The following ARRDC1 variants were observed in gnomAD, a reference collection of about 807,000 sequenced individuals.
The protein encoded by ARRDC1 is arrestin domain-containing protein 1.
Under a neutral mutation model 40.1 loss-of-function variants are expected in ARRDC1, and 37 were observed. The observed-to-expected ratio is 0.92, with a 90% confidence interval of 0.71 to 1.21. ARRDC1 has a LOEUF of 1.21. ARRDC1 is among the 50% of genes most tolerant of loss of function. The pLI is 0.00. For synonymous variants in ARRDC1, 310 were observed against 262.5 expected, an observed-to-expected ratio of 1.18 and a Z score of -1.75; for missense variants, 641 against 581.9, an observed-to-expected ratio of 1.10 and a Z score of -1.04.
Position 137,614,762 on chromosome 9 carries a change from C to T in ARRDC1, c.999C>T (p.Phe333=). Residue 333 remains phenylalanine (F), a synonymous_variant, in exon 7 of 8, where the codon TTC becomes TTT. Transcript: ENST00000371421. ...AGGPHFLDPV[F]LSTKSHSQRQ... ...GCCCCCACTTCTTGGACCCCGTCTT[C>T]CTCTCCACCAAGAGCCATTCGCAGC... The T allele has an allele frequency of 1.2e-6, 2 of 1,610,710 alleles. No homozygotes were observed. The highest frequency in any genetic ancestry group is 1.3e-5 in the African/African-American group (1 of 74,978).
chr9:137,613,623 C>T lies in ARRDC1; in HGVS notation c.289C>T (p.Pro97Ser), dbSNP rs1842585867. ...GCCTGCTCTCTCCCCAGCCACTGCA[C>T]CCACGTCCTTTGAGGGTCCTTTCGG... is the stretch of plus-strand genomic sequence containing the variant. ...PFQFLLPATA[P>S]TSFEGPFGKI... is the part of the protein sequence containing the mutation. Residue 97 changes from proline (P) to serine (S), a missense_variant, in exon 4 of 8, where the codon CCC (proline) becomes TCC (serine). Physicochemically the swap from Pro to Ser is moderately conservative, Grantham distance 74. Coordinates refer to ENST00000371421, the MANE Select transcript of ARRDC1 (RefSeq NM_152285.4). 1 of 1,614,218 alleles carries T rather than the reference C, an allele frequency of 6.2e-7. No individual in the cohort carries two copies. Among genetic ancestry groups the T allele is most frequent in the Non-Finnish European group, 8.5e-7 (1 of 1,180,028 alleles).
chr9:137,612,633 C>T (rs567739229), intron 1 of ARRDC1: 28 of 414,950 alleles, frequency 6.7e-5, no homozygotes, highest in Middle Eastern at 6.9e-4. Context: ...TCTGGATGAG[C>T]GTTGGGGTCT....
At position 137,614,785 on chromosome 9, in the gene ARRDC1, A is replaced by G. The variant is rs377668499; in HGVS notation, c.1022A>G (p.Gln341Arg). 2 of 1,611,882 alleles carry G rather than the reference A, an allele frequency of 1.2e-6. No individual in the cohort carries two copies. The highest frequency in any genetic ancestry group is 8.5e-7 in the Non-Finnish European group (1 of 1,179,114). ...PVFLSTKSHSQRQPLLATLSS... is the reference protein window; with the variant it reads ...PVFLSTKSHSRRQPLLATLSS... Reference sequence around the variant, plus strand: ...TTCCTCTCCACCAAGAGCCATTCGCAGCGGCAGCCCCTGCTGGCCACCTTG... The same window carrying G: ...TTCCTCTCCACCAAGAGCCATTCGCGGCGGCAGCCCCTGCTGGCCACCTTG... The change falls in exon 7 of 8, where the codon CAG (glutamine) becomes CGG (arginine). Residue 341 changes from glutamine to arginine, a missense_variant. Transcript: ENST00000371421.
chr9:137,614,380 C>A lies in ARRDC1; in HGVS notation c.700C>A (p.Arg234=). The A allele has an allele frequency of 6.2e-7, 1 of 1,612,910 alleles. No individual in the cohort carries two copies. The highest frequency in any genetic ancestry group is 8.5e-7 in the Non-Finnish European group (1 of 1,179,744). The change falls in exon 6 of 8, where the codon CGG becomes AGG. Residue 234 remains arginine, a synonymous_variant. Transcript: ENST00000371421. ...GGAGGGTGCGGGCGTCAAGGCCTGG[C>A]GGCGGGCGCAGTGGCACGAGCAGAT... is the stretch of plus-strand genomic sequence containing the variant. ...EVEGAGVKAW[R]RAQWHEQILV... is the part of the protein sequence containing the mutation.
chr9:137,612,210 G>C (rs1267997745), intron 1 of ARRDC1: 1 of 152,524 alleles, frequency 6.6e-6, no homozygotes, highest in Admixed American at 6.5e-5. Context: ...ACACACATCT[G>C]TTGGACTAAG....
In ARRDC1 at chr9:137,605,717, C is replaced by T; in HGVS notation, c.-1C>T. The T allele has an allele frequency of 7.3e-7, 1 of 1,370,548 alleles. No individual in the cohort carries two copies. 84.9% of individuals were successfully genotyped at this position (1,370,548 alleles called of 1,614,324 possible). ...GCGCGGCTGGCCGGTGAGGCCGCGG[C>T]ATGGGGCGAGTGCAGCTCTTCGAGA... On this transcript the variant is annotated 5_prime_UTR_variant, in exon 1 of 8. Coordinates refer to ENST00000371421, the MANE Select transcript of ARRDC1 (RefSeq NM_152285.4).
At chr9:137,612,816 AG>A in intron 1 of ARRDC1, 79 bp from the exon 2 acceptor site, 1 of 1,112,662 alleles carries the variant, frequency 9.0e-7, no homozygotes, top group Non-Finnish European at 1.3e-6. Context: ...GCTTGGCCCC[AG>A]GTCGAATTCC....
At chr9:137,606,393 AGGCTGCCTCTGCCC>A (rs1564498192) in intron 1 of ARRDC1, among the ~76,000 whole-genome samples, 2 of 152,024 alleles carry the variant, frequency 1.3e-5, no homozygotes, top group African/African-American at 2.4e-5. Flanking sequence ...CCGCGAGGTG[AGGCTGCCTCTGCCC>A]GGCCCTTGGC....
intron 1 of ARRDC1, chr9:137,611,583 CAACAAA>C (rs1014204785): frequency 2.8e-5 from 3 of 108,614 alleles, no homozygotes; most frequent in East Asian, 2.4e-4. Context: ...ACAACAACAA[CAACAAA>C]AAAACAAAAA....
intron 1 of ARRDC1, among the ~76,000 whole-genome samples, chr9:137,608,230 C>G (rs1396012249): frequency 6.6e-6 from 1 of 152,222 alleles, no homozygotes; most frequent in African/African-American, 2.4e-5. Context: ...ATCCGCCCGC[C>G]TCGGCCTCCC....
chr9:137,609,853 C>G (rs1318620290), intron 1 of ARRDC1, among the ~76,000 whole-genome samples: 1 of 151,520 alleles, frequency 6.6e-6, no homozygotes, highest in Admixed American at 6.6e-5. Context: ...ATTTGTCAAT[C>G]TGATGGATTG....
In ARRDC1 at chr9:137,615,201, C is replaced by T. The variant is rs12554630; in HGVS notation, c.*63C>T. 3.8e-5 allele frequency: 54 copies of T among 1,418,568 alleles called. No homozygotes were observed. The highest frequency in any genetic ancestry group is 1.2e-4 in the East Asian group (5 of 40,262). The allele number at this position is 1,418,568 out of a possible 1,614,324, so 87.9% of individuals were successfully genotyped here. A position where few individuals can be genotyped will look rare whatever the true frequency, so the allele number is the denominator to read the frequency against. ...CCTGGGACTGGGGCGCCCAGGGCCT[C>T]GTGCCTTCTCTCTTGGCCTAGCCTG... On this transcript the variant is annotated 3_prime_UTR_variant, in exon 8 of 8. Coordinates refer to ENST00000371421, the MANE Select transcript of ARRDC1 (RefSeq NM_152285.4).
rs1196522736 is a variant in ARRDC1, at chr9:137,613,609, C to T, written c.281-6C>T. On this transcript the variant is annotated splice_polypyrimidine_tract_variant and splice_region_variant and intron_variant, in intron 3 of 7. Coordinates refer to ENST00000371421, the MANE Select transcript of ARRDC1 (RefSeq NM_152285.4). ...AGCCAGGTACCAGTGCCTGCTCTCT[C>T]CCCAGCCACTGCACCCACGTCCTTT... 2 of 1,614,094 alleles carry T rather than the reference C, an allele frequency of 1.2e-6. No homozygotes were observed. Among genetic ancestry groups the T allele is most frequent in the African/African-American group, 1.3e-5 (1 of 74,960 alleles).
chr9:137,613,670 G>A lies in ARRDC1; in HGVS notation c.336G>A (p.Arg112=). ...GPFGKIVHQV[R]AAIHTPRFSK... ...TCGGGAAGATCGTGCACCAGGTGAG[G>A]GCCGCCATCCACACGCCACGGTTTT... Residue 112 remains arginine, a synonymous_variant, in exon 4 of 8, where the codon AGG becomes AGA. Transcript: ENST00000371421. 4 of 1,614,094 alleles carry A rather than the reference G, an allele frequency of 2.5e-6. No individual in the cohort carries two copies. In the South Asian group the frequency reaches 3.3e-5, roughly 13 times the overall value.
At chr9:137,608,612 G>T (rs1224730214) in intron 1 of ARRDC1, among the ~76,000 whole-genome samples, 3 of 152,382 alleles carry the variant, frequency 2.0e-5, no homozygotes, top group African/African-American at 7.2e-5. Flanking sequence ...GCATCCTGTG[G>T]TCCTGCCTGA....
chr9:137,610,497 G>C (rs1247553534), intron 1 of ARRDC1, among the ~76,000 whole-genome samples: 2 of 152,160 alleles, frequency 1.3e-5, no homozygotes, highest in Non-Finnish European at 2.9e-5. Flanking sequence ...CTGGGTTTAA[G>C]TGATCCTCAT....
chr9:137,610,066 G>C (rs1007749262), intron 1 of ARRDC1, among the ~76,000 whole-genome samples: 1 of 151,860 alleles, frequency 6.6e-6, no homozygotes, highest in Admixed American at 6.6e-5. Context: ...TGCCCGCCTC[G>C]GCCTCCCACA....
chr9:137,614,465 A>G lies in ARRDC1; in HGVS notation c.785A>G (p.Tyr262Cys). The G allele has an allele frequency of 1.9e-6, 3 of 1,613,254 alleles. No homozygotes were observed. Among genetic ancestry groups the G allele is most frequent in the Non-Finnish European group, 2.5e-6 (3 of 1,179,920 alleles). Residue 262 changes from tyrosine to cysteine, a missense_variant, in exon 6 of 8, where the codon TAC (tyrosine) becomes TGC (cysteine). Transcript: ENST00000371421. ...LPGCSLIHID[Y>C]YLQVSLKAPE... is the part of the protein sequence containing the mutation. ...GGCTGCAGCCTCATCCACATCGACT[A>G]CTACTTACAGGTTTGGTGCTGCTGG...
intron 1 of ARRDC1, among the ~76,000 whole-genome samples, chr9:137,607,868 T>C (rs1442222363): frequency 6.6e-6 from 1 of 152,148 alleles, no homozygotes; most frequent in Non-Finnish European, 1.5e-5. Flanking sequence ...GTTCCAGTGG[T>C]CACTTGAGAA....
Sources: allele counts gnomAD v4.1 joint callset (sites outside exome capture counted in the v4.1 genomes callset), GRCh38; gene constraint gnomAD v4.1.1; transcripts MANE v1.5; gene names NCBI Gene and HGNC (gene_info 2026-07-23, HGNC 2026-07-21).